Variants in PHETA2 observed in about 807,000 individuals in gnomAD.
PHETA2 encodes sesquipedalian-2.
For synonymous variants in PHETA2, 133 were observed against 142.9 expected (o/e 0.93, Z 0.50); for missense variants, 321 against 341.3 (o/e 0.94, Z 0.47).
chr22:42,077,357 G>A lies in PHETA2; in HGVS notation c.64G>A (p.Gly22Ser), dbSNP rs1386971073. ...CAGCGACTCCCCAGCGGACCACATGGGCTTCCTGCGCACCTGGGGGGGCCC... is the reference window on the plus strand; with the variant it reads ...CAGCGACTCCCCAGCGGACCACATGAGCTTCCTGCGCACCTGGGGGGGCCC... ...ALSDSPADHM[G>S]FLRTWGGPGT... is the part of the protein sequence containing the mutation. The change falls in exon 3 of 3, where the codon GGC (glycine) becomes AGC (serine). Residue 22 changes from glycine (G) to serine (S), a missense_variant. Gly to Ser is a moderately conservative substitution (Grantham distance 56). Transcript: ENST00000321753. 6.3e-7 allele frequency: 1 copy of A among 1,583,286 alleles called. No individual in the cohort carries two copies. Among genetic ancestry groups the A allele is most frequent in the Admixed American group, 1.8e-5 (1 of 57,012 alleles).
At position 42,077,897 on chromosome 22, in the gene PHETA2, C is replaced by A. The variant is rs767559219; in HGVS notation, c.604C>A (p.Leu202Met). The change falls in exon 3 of 3, where the codon CTG becomes ATG. Residue 202 changes from leucine to methionine, a missense_variant. Transcript: ENST00000321753. ...AGGGTGGGGGTTGGCTGAGTGGGAGCTGCAGGGCCCTGCCAGCCTCCTCCT... is the reference window on the plus strand; with the variant it reads ...AGGGTGGGGGTTGGCTGAGTGGGAGATGCAGGGCCCTGCCAGCCTCCTCCT... The part of the protein sequence containing the change: ...SAGWGLAEWE[L>M]QGPASLLLGK... 4 of 1,613,392 alleles carry A rather than the reference C, an allele frequency of 2.5e-6. No individual in the cohort carries two copies. The highest frequency in any genetic ancestry group is 2.2e-5 in the East Asian group (1 of 44,876).
At position 42,078,180 on chromosome 22, in the gene PHETA2, C is replaced by T. The variant is rs1927414043; in HGVS notation, c.*107C>T. Reference sequence around the variant, plus strand: ...GGGAGGGGACATGGGTTCTCTCCTTCCTGCTATTTAGGCATTCTCCAGGTT... The same window carrying T: ...GGGAGGGGACATGGGTTCTCTCCTTTCTGCTATTTAGGCATTCTCCAGGTT... On this transcript the variant is annotated 3_prime_UTR_variant, in exon 3 of 3. Transcript: ENST00000321753. 1 of 1,303,598 alleles carries T rather than the reference C, an allele frequency of 7.7e-7. No homozygotes were observed. The highest frequency in any genetic ancestry group is 1.6e-5 in the South Asian group (1 of 62,820). The allele number at this position is 1,303,598 out of a possible 1,614,324, so 80.8% of individuals were successfully genotyped here.
intron 2 of PHETA2, among the ~76,000 whole-genome samples, chr22:42,076,480 C>T (rs1277916618): frequency 4.6e-5 from 7 of 151,928 alleles, no homozygotes; most frequent in African/African-American, 7.3e-5. Context: ...TATTTAGAGA[C>T]GGGGTTTCAC....
In PHETA2 at chr22:42,075,386, T is replaced by A. The variant is rs982784156; in HGVS notation, c.-96-185T>A. 3.3e-5 allele frequency among the ~76,000 whole-genome samples: 5 copies of A among 151,898 alleles called. No homozygotes were observed. Among genetic ancestry groups the A allele is most frequent in the African/African-American group, 1.2e-4 (5 of 41,322 alleles). On this transcript the variant is annotated intron_variant, in intron 1 of 2. Coordinates refer to ENST00000321753, the MANE Select transcript of PHETA2 (RefSeq NM_001002034.3). The surrounding 1 kb of genome is among the most constrained non-coding windows in gnomAD (Gnocchi z 4.8). ...GGAGCTGGGGTCTGAAGAGTAAAGG[T>A]CAAGACAAGGGGACCCATCCCCTTA...
chr22:42,078,124 A>G lies in PHETA2; in HGVS notation c.*51A>G. On this transcript the variant is annotated 3_prime_UTR_variant, in exon 3 of 3. Transcript: ENST00000321753. ...CAGGGCCAGTTCTTTTTCAGGAGTT[A>G]AATGTTTACCCATTTCCAAGGTTGC... The G allele has an allele frequency of 6.8e-7, 1 of 1,467,564 alleles. No homozygotes were observed. The highest frequency in any genetic ancestry group is 9.0e-7 in the Non-Finnish European group (1 of 1,107,964). The allele number at this position is 1,467,564 out of a possible 1,614,324, so 90.9% of individuals were successfully genotyped here. A position where few individuals can be genotyped will look rare whatever the true frequency, so the allele number is the denominator to read the frequency against.
chr22:42,074,810 GTC>G (rs1927221736), intron 1 of PHETA2, among the ~76,000 whole-genome samples: 2 of 152,190 alleles, frequency 1.3e-5, no homozygotes, highest in South Asian at 2.1e-4. Context: ...CTGGAATGGC[GTC>G]TCTCCCCATC....
rs997594800 is a variant in PHETA2 at position 42,079,407 on chromosome 22, G to A, written c.*1334G>A. 3.6e-6 allele frequency: 1 copy of A among 281,504 alleles called. No individual in the cohort carries two copies. The highest frequency in any genetic ancestry group is 2.2e-5 in the African/African-American group (1 of 45,246). 17.4% of individuals were successfully genotyped at this position (281,504 alleles called of 1,614,324 possible). A position where few individuals can be genotyped will look rare whatever the true frequency, so the allele number is the denominator to read the frequency against. ...TTATTGCTACAGTGTTTTGTACACGGTTAAAACACTAGTAAAGCTTTTTCG... is the reference window on the plus strand; with the variant it reads ...TTATTGCTACAGTGTTTTGTACACGATTAAAACACTAGTAAAGCTTTTTCG... On this transcript the variant is annotated 3_prime_UTR_variant, in exon 3 of 3. Coordinates refer to ENST00000321753, the MANE Select transcript of PHETA2 (RefSeq NM_001002034.3).
At position 42,077,340 on chromosome 22, in the gene PHETA2, C is replaced by T. The variant is rs779838091; in HGVS notation, c.47C>T (p.Ser16Phe). ...GTAGCCCACTATGCACTCAGCGACT[C>T]CCCAGCGGACCACATGGGCTTCCTG... ...RSVAHYALSD[S>F]PADHMGFLRT... is the part of the protein sequence containing the mutation. Residue 16 changes from serine to phenylalanine, a missense_variant, in exon 3 of 3, where the codon TCC (serine) becomes TTC (phenylalanine). By Grantham distance (155) the Ser-to-Phe change is radical. Coordinates refer to ENST00000321753, the MANE Select transcript of PHETA2 (RefSeq NM_001002034.3). 5 of 1,567,098 alleles carry T rather than the reference C, an allele frequency of 3.2e-6. No homozygotes were observed. The Admixed American group carries it at 7.3e-5, about 23-fold the overall frequency.
intron 2 of PHETA2, among the ~76,000 whole-genome samples, chr22:42,076,777 C>T: frequency 6.6e-6 from 1 of 152,210 alleles, no homozygotes; most frequent in East Asian, 1.9e-4. Context: ...TATATTTGTG[C>T]CTCAGCTTCT....
At position 42,075,231 on chromosome 22, in the gene PHETA2, C is replaced by G. The variant is rs1367320564; in HGVS notation, c.-96-340C>G. 1.3e-5 allele frequency among the ~76,000 whole-genome samples: 2 copies of G among 152,146 alleles called. No homozygotes were observed. The highest frequency in any genetic ancestry group is 2.4e-5 in the African/African-American group (1 of 41,412). ...GGTCAGGCCACCTTGGTGGTCAGGG[C>G]CACCTTAGATGATATGGTGATCATG... On this transcript the variant is annotated intron_variant, in intron 1 of 2. Coordinates refer to ENST00000321753, the MANE Select transcript of PHETA2 (RefSeq NM_001002034.3). The surrounding 1 kb of genome is among the most constrained non-coding windows in gnomAD (Gnocchi z 4.8).
Position 42,077,859 on chromosome 22 carries a change from G to A in PHETA2, c.566G>A (p.Gly189Asp). The change falls in exon 3 of 3, where the codon GGC becomes GAC. Residue 189 changes from glycine (G) to aspartate (D), a missense_variant. By Grantham distance (94) the Gly-to-Asp change is moderately conservative. Coordinates refer to ENST00000321753, the MANE Select transcript of PHETA2 (RefSeq NM_001002034.3). Reference protein sequence around the residue: ...SSPVGLVEEAGSRSAGWGLAE... With the variant: ...SSPVGLVEEADSRSAGWGLAE... ...CCTGTGGGCTTGGTTGAAGAAGCGG[G>A]CAGCAGGTCTGCAGGGTGGGGGTTG... is the stretch of plus-strand genomic sequence containing the variant. The A allele has an allele frequency of 1.2e-6, 2 of 1,613,496 alleles. No individual in the cohort carries two copies. The highest frequency in any genetic ancestry group is 1.7e-6 in the Non-Finnish European group (2 of 1,179,914).
chr22:42,078,346 C>G lies in PHETA2; in HGVS notation c.*273C>G. 3 of 431,754 alleles carry G rather than the reference C, an allele frequency of 6.9e-6. No individual in the cohort carries two copies. The highest frequency in any genetic ancestry group is 1.3e-5 in the Non-Finnish European group (3 of 236,260). The allele number at this position is 431,754 out of a possible 1,614,324, so 26.7% of individuals were successfully genotyped here. On this transcript the variant is annotated 3_prime_UTR_variant, in exon 3 of 3. Transcript: ENST00000321753. The stretch of plus-strand genomic sequence containing the variant: ...CCTGACTGCACTGGCCTGACTGCCC[C>G]CTCCCAGGGGATGTTAATGAAATGA...
rs1285129410 is a variant in PHETA2 at position 42,077,550 on chromosome 22, C to G, written c.257C>G (p.Ala86Gly). 1 of 1,614,170 alleles carries G rather than the reference C, an allele frequency of 6.2e-7. No homozygotes were observed. ...GAGGCTCCCGTGCCCGAGGAGTTTG[C>G]CTTTGCCATCTGCTTTGATGCCCCT... ...LAEAPVPEEF[A>G]FAICFDAPGV... The change falls in exon 3 of 3, where the codon GCC becomes GGC. Residue 86 changes from alanine (A) to glycine (G), a missense_variant. Coordinates refer to ENST00000321753, the MANE Select transcript of PHETA2 (RefSeq NM_001002034.3).
intron 2 of PHETA2, 70 bp from the exon 3 acceptor site, chr22:42,077,210 G>T (rs946323601): frequency 1.4e-6 from 2 of 1,438,302 alleles, no homozygotes; most frequent in South Asian, 1.4e-5. Flanking sequence ...CTCTGGAGCC[G>T]GTGCTGTTCC....
At position 42,078,285 on chromosome 22, in the gene PHETA2, A is replaced by C; in HGVS notation, c.*212A>C. The C allele has an allele frequency of 1.7e-6, 1 of 573,862 alleles. No homozygotes were observed. The highest frequency in any genetic ancestry group is 3.0e-5 in the South Asian group (1 of 33,728). The allele number at this position is 573,862 out of a possible 1,614,324, so 35.5% of individuals were successfully genotyped here. ...TTATTTCCTGAGGTCCAGAGAAGGA[A>C]GGAGACTTAGCAGCCACAGAGCAAG... On this transcript the variant is annotated 3_prime_UTR_variant, in exon 3 of 3. Transcript: ENST00000321753.
In PHETA2 at chr22:42,075,406, C is replaced by T. The variant is rs908506358; in HGVS notation, c.-96-165C>T. Among the ~76,000 whole-genome samples, 1 of 152,146 alleles carries T rather than the reference C, an allele frequency of 6.6e-6. No individual in the cohort carries two copies. The highest frequency in any genetic ancestry group is 2.4e-5 in the African/African-American group (1 of 41,428). On this transcript the variant is annotated intron_variant, in intron 1 of 2. Transcript: ENST00000321753. This position sits in a 1 kb window ranked among gnomAD's most constrained non-coding sequence, Gnocchi z 4.8. ...AAAGGTCAAGACAAGGGGACCCATC[C>T]CCTTAAGCTGCTCAGGGGTTCCTGG...
chr22:42,077,144 G>A, intron 2 of PHETA2, 136 bp from the exon 3 acceptor site: 2 of 675,780 alleles, frequency 3.0e-6, no homozygotes, highest in Non-Finnish European at 4.6e-6. Flanking sequence ...GGAGACTTTA[G>A]GGACCTTAGG....
rs975895359 is a variant in PHETA2, at chr22:42,079,186, AGCCTCG to A, written c.*1116_*1121del. 1.2e-5 allele frequency: 2 copies of A among 167,298 alleles called. No homozygotes were observed. The highest frequency in any genetic ancestry group is 4.8e-5 in the African/African-American group (2 of 41,450). The allele number at this position is 167,298 out of a possible 1,614,324, so 10.4% of individuals were successfully genotyped here. On this transcript the variant is annotated 3_prime_UTR_variant, in exon 3 of 3. Transcript: ENST00000321753. Reference sequence around the variant, plus strand: ...AAACACATAAAACTTGCCCCTTCCTAGCCTCGGCTCCCCTCACTGGGGCCTTGGGCA... The same window carrying A: ...AAACACATAAAACTTGCCCCTTCCTAGCTCCCCTCACTGGGGCCTTGGGCA...
At chr22:42,074,987 G>A (rs1342632928) in intron 1 of PHETA2, among the ~76,000 whole-genome samples, 1 of 152,180 alleles carries the variant, frequency 6.6e-6, no homozygotes, top group Non-Finnish European at 1.5e-5. Flanking sequence ...GGGAGACTTC[G>A]ATTTGTCCAC....
Sources: allele counts gnomAD v4.1 joint callset (sites outside exome capture counted in the v4.1 genomes callset), GRCh38; gene constraint gnomAD v4.1.1; non-coding constraint Gnocchi (gnomAD v3.1); transcripts MANE v1.5; gene names NCBI Gene and HGNC (gene_info 2026-07-23, HGNC 2026-07-21).